IGSF10: variants seen among roughly 807,000 people sequenced by gnomAD.
IGSF10 encodes the protein immunoglobulin superfamily member 10.
IGSF10 carries 126 observed loss-of-function variants against 128.2 expected under a neutral mutation model. The ratio of observed to expected loss-of-function variants is 0.98; its 90% CI spans 0.85 to 1.14. The LOEUF (loss-of-function observed/expected upper bound fraction) is 1.14. IGSF10 is among the 50% of genes most tolerant of loss of function. The pLI is 0.00. For missense variants in IGSF10, 3,295 were observed against 3,149.8 expected (o/e 1.05, Z -1.10); for synonymous variants, 1,185 against 1,146.2 (o/e 1.03, Z -0.68).
At chr3:151,561,952 A>C in the IGSF10 span, among the ~76,000 whole-genome samples, 1 of 152,194 alleles carries the variant, frequency 6.6e-6, no homozygotes, top group South Asian at 2.1e-4. Flanking sequence ...GTCCAAACAC[A>C]TACTTTCAAG....
chr3:151,449,662 T>G (rs1721418344), intron 5 of IGSF10, among the ~76,000 whole-genome samples: 4 of 152,240 alleles, frequency 2.6e-5, no homozygotes, highest in Admixed American at 2.6e-4. Context: ...CATTTTAAGA[T>G]GGCCACAGGA....
At chr3:151,496,018 A>T in the IGSF10 span, among the ~76,000 whole-genome samples, 1 of 152,128 alleles carries the variant, frequency 6.6e-6, no homozygotes, top group Non-Finnish European at 1.5e-5. Context: ...TCTGATACTC[A>T]TGTTCTATAC....
chr3:151,481,407 TCA>T, the IGSF10 span, among the ~76,000 whole-genome samples: 6 of 152,282 alleles, frequency 3.9e-5, no homozygotes, highest in Admixed American at 1.3e-4. Flanking sequence ...GCACCTGGCC[TCA>T]CAGAGCTAAT....
At chr3:151,476,099 C>T in the IGSF10 span, 1 of 152,040 alleles carries the variant, frequency 6.6e-6, no homozygotes, top group Non-Finnish European at 1.5e-5. Context: ...AGTTCCAGTC[C>T]AAACATTTGG....
At chr3:151,471,779 G>A in the IGSF10 span, among the ~76,000 whole-genome samples, 76 of 152,310 alleles carry the variant, frequency 5.0e-4, 1 homozygote, top group Non-Finnish European at 9.7e-4. Context: ...GAACTTGAAA[G>A]TCAGGATAAT....
intron 5 of IGSF10, 80 bp downstream of exon 5, chr3:151,453,304 G>T: frequency 9.3e-7 from 1 of 1,080,466 alleles, no homozygotes; most frequent in Non-Finnish European, 1.3e-6. Context: ...AATTACCCTG[G>T]GCTCTCCACT....
At chr3:151,560,704 C>T in the IGSF10 span, among the ~76,000 whole-genome samples, 2,332 of 151,242 alleles carry the variant, frequency 0.015, 60 homozygotes, top group African/African-American at 0.054. Context: ...TTGCCATAGC[C>T]CCCCCCTCCG....
At chr3:151,612,905 C>T in the IGSF10 span, among the ~76,000 whole-genome samples, 1 of 152,220 alleles carries the variant, frequency 6.6e-6, no homozygotes, top group East Asian at 1.9e-4. Context: ...CAGTCAGATA[C>T]TATCATCTGC....
chr3:151,545,496 C>A, the IGSF10 span, among the ~76,000 whole-genome samples: 1 of 152,108 alleles, frequency 6.6e-6, no homozygotes, highest in African/African-American at 2.4e-5. Flanking sequence ...CTATCACTTC[C>A]ATTGTTTTTG....
At chr3:151,434,376 GCA>G (rs1215369394), downstream of IGSF10, 1 of 152,108 alleles carries the variant, frequency 6.6e-6, no homozygotes, top group Non-Finnish European at 1.5e-5. Flanking sequence ...CTTTGCTGTG[GCA>G]ACATCCATGT....
chr3:151,436,718 A>G lies in IGSF10; in HGVS notation c.7843T>C (p.Tyr2615His), dbSNP rs753945333. The stretch of plus-strand genomic sequence containing the variant: ...ATTACTTGAATATACGTTGCTGCAT[A>G]ATCACTACCAAGTGGGTTCTTTGCT... ...CTAKNPLGSD[Y>H]AATYIQVI Residue 2615 changes from tyrosine to histidine, a missense_variant, in exon 8 of 8, where the codon TAT becomes CAT. By Grantham distance (83) the Tyr-to-His change is moderately conservative. Transcript: ENST00000282466. The G allele has an allele frequency of 6.2e-7, 1 of 1,612,564 alleles. No homozygotes were observed. Among genetic ancestry groups the G allele is most frequent in the Non-Finnish European group, 8.5e-7 (1 of 1,179,274 alleles).
At chr3:151,553,529 A>G in the IGSF10 span, among the ~76,000 whole-genome samples, 1 of 152,062 alleles carries the variant, frequency 6.6e-6, no homozygotes, top group Non-Finnish European at 1.5e-5. Context: ...ACAAATCACT[A>G]TCACAGATTC....
the IGSF10 span, among the ~76,000 whole-genome samples, chr3:151,594,843 A>C: frequency 6.6e-6 from 1 of 151,984 alleles, no homozygotes; most frequent in Non-Finnish European, 1.5e-5. Context: ...TGATTTGATC[A>C]TTACACATTG....
rs369357367 is a variant in IGSF10, at chr3:151,438,505, C to A, written c.6056G>T (p.Arg2019Ile). The A allele has an allele frequency of 1.9e-6, 3 of 1,613,978 alleles. No individual in the cohort carries two copies. The African/African-American group carries it at 4.0e-5, about 22-fold the overall frequency. The change falls in exon 8 of 8, where the codon AGA becomes ATA. Residue 2019 changes from arginine (R) to isoleucine (I), a missense_variant. Transcript: ENST00000282466. ...TATCAGATCATCCCCCATTTTGTTT[C>A]TTGCCACACACAAGTAGACACCACT... Reference protein sequence around the residue: ...KDSGVYLCVARNKMGDDLILM... With the variant: ...KDSGVYLCVAINKMGDDLILM...
chr3:151,434,972 T>C (rs1719937694), downstream of IGSF10: 1 of 151,342 alleles, frequency 6.6e-6, no homozygotes, highest in Non-Finnish European at 1.5e-5. Context: ...TGAGGAATGC[T>C]GTTTTACCCC....
At chr3:151,487,514 CAG>C in the IGSF10 span, among the ~76,000 whole-genome samples, 1 of 152,056 alleles carries the variant, frequency 6.6e-6, no homozygotes, top group South Asian at 2.1e-4. Context: ...CAAAACCTGG[CAG>C]AGACACAACA....
chr3:151,586,480 A>G, the IGSF10 span, among the ~76,000 whole-genome samples: 6 of 152,232 alleles, frequency 3.9e-5, no homozygotes, highest in African/African-American at 1.2e-4. Context: ...AAAACTGGCA[A>G]TAAGAAAAGA....
chr3:151,521,424 A>G, the IGSF10 span, among the ~76,000 whole-genome samples: 1 of 151,984 alleles, frequency 6.6e-6, no homozygotes, highest in Non-Finnish European at 1.5e-5. Flanking sequence ...TCATTGCTGC[A>G]TGGTGCATAC....
the IGSF10 span, among the ~76,000 whole-genome samples, chr3:151,525,002 CTTTTTTTT>C: frequency 5.4e-4 from 27 of 49,738 alleles, no homozygotes; most frequent in Non-Finnish European, 6.9e-4. Context: ...TGCATTACAC[CTTTTTTTT>C]TTTTTTTTTT....
Sources: gnomAD v4.1 joint callset for allele counts (sites outside exome capture counted in the v4.1 genomes callset) on GRCh38, gnomAD v4.1.1 for gene constraint, MANE v1.5 for transcripts, NCBI Gene and HGNC (gene_info 2026-07-23, HGNC 2026-07-21) for gene names.